The following HPSE2 variants were observed in gnomAD, a reference collection of about 807,000 sequenced individuals.
HPSE2 encodes inactive heparanase-2.
In HPSE2, 38 loss-of-function variants were observed where a neutral mutation model predicts 60.5. The observed-to-expected ratio is 0.63, with a 90% CI of 0.48 to 0.82. The LOEUF is 0.82. HPSE2 is among the 40% of genes least tolerant of loss of function. The pLI, the probability that HPSE2 is intolerant of heterozygous loss-of-function variation, is 0.00. For synonymous variants in HPSE2, 295 were observed against 293.2 expected (o/e 1.01, Z -0.06); for missense variants, 713 against 740.4 (o/e 0.96, Z 0.43).
In HPSE2 at chr10:99,214,285, A is replaced by G. The variant is rs184505295; in HGVS notation, c.448+18063T>C. 9.6e-4 allele frequency among the ~76,000 whole-genome samples: 146 copies of G among 152,334 alleles called. 1 individual carries two copies. Among genetic ancestry groups the G allele is most frequent in the South Asian group, 1.5e-3 (7 of 4,820 alleles). ...ATGTGAAATGGTATAGCCATTGGGGAAAACAATTTGTCATTTTCTCAAAGA... is the reference window on the plus strand; with the variant it reads ...ATGTGAAATGGTATAGCCATTGGGGGAAACAATTTGTCATTTTCTCAAAGA... On this transcript the variant is annotated intron_variant, in intron 2 of 11. Transcript: ENST00000370552.
chr10:99,137,158 A>G (rs1188667618), intron 3 of HPSE2, among the ~76,000 whole-genome samples: 2 of 152,330 alleles, frequency 1.3e-5, no homozygotes, highest in Non-Finnish European at 2.9e-5. Flanking sequence ...CTAAGAGAAT[A>G]AAATACCTAG....
intron 3 of HPSE2, 57 bp from the exon 4 acceptor site, chr10:98,744,113 A>G: frequency 6.6e-7 from 1 of 1,505,686 alleles, no homozygotes; most frequent in Non-Finnish European, 9.1e-7. Context: ...AACAAAAGGA[A>G]AATAGTAGCT....
chr10:99,287,809 G>A, the HPSE2 span, among the ~76,000 whole-genome samples: 1 of 152,174 alleles, frequency 6.6e-6, no homozygotes, highest in Non-Finnish European at 1.5e-5. Flanking sequence ...TGCCAAAGTT[G>A]CTTATCTTTA....
chr10:98,721,445 C>T (rs1244565622), intron 5 of HPSE2, among the ~76,000 whole-genome samples: 2 of 152,014 alleles, frequency 1.3e-5, no homozygotes, highest in Non-Finnish European at 2.9e-5. Context: ...CTTCCCCATC[C>T]CACCACCCCC....
chr10:99,133,744 A>G (rs1845536969), intron 3 of HPSE2, among the ~76,000 whole-genome samples: 1 of 152,212 alleles, frequency 6.6e-6, no homozygotes, highest in Admixed American at 6.5e-5. Flanking sequence ...CCAAAGGTAG[A>G]TAAATCCACA....
rs186425979 is a variant in HPSE2, at chr10:98,800,377, A to G, written c.611-56321T>C. On this transcript the variant is annotated intron_variant, in intron 3 of 11. Transcript: ENST00000370552. Reference sequence around the variant, plus strand: ...AGTGAGACCCTATCTCAAAAAAAATATATAAAATATATACATAAATATATA... The same window carrying G: ...AGTGAGACCCTATCTCAAAAAAAATGTATAAAATATATACATAAATATATA... 4.4e-4 allele frequency among the ~76,000 whole-genome samples: 66 copies of G among 148,400 alleles called. 1 individual carries two copies. In the East Asian group the frequency reaches 0.012, roughly 27 times the overall value.
At chr10:99,267,181 C>G in the HPSE2 span, among the ~76,000 whole-genome samples, 1 of 151,976 alleles carries the variant, frequency 6.6e-6, no homozygotes, top group Non-Finnish European at 1.5e-5. Context: ...CAGAAGAATT[C>G]AGAAGGTCGA....
intron 9 of HPSE2, among the ~76,000 whole-genome samples, chr10:98,599,397 C>T (rs867837826): frequency 3.3e-5 from 5 of 152,106 alleles, no homozygotes; most frequent in Admixed American, 3.3e-4. Flanking sequence ...CTGGCCTGAC[C>T]TGGCCCTTCA....
chr10:98,675,267 A>G (rs182344585), intron 6 of HPSE2, among the ~76,000 whole-genome samples: 2 of 152,238 alleles, frequency 1.3e-5, no homozygotes, highest in East Asian at 3.9e-4. Flanking sequence ...CTCACCTTCT[A>G]AAAGATCACT....
intron 5 of HPSE2, among the ~76,000 whole-genome samples, chr10:98,700,249 C>T (rs1589665687): frequency 1.3e-5 from 2 of 150,492 alleles, no homozygotes; most frequent in Middle Eastern, 3.4e-3. Flanking sequence ...AACTATACTA[C>T]AAGGCTACAG....
intron 5 of HPSE2, among the ~76,000 whole-genome samples, chr10:98,705,785 T>C (rs1034654855): frequency 2.0e-5 from 3 of 151,980 alleles, no homozygotes; most frequent in Non-Finnish European, 2.9e-5. Flanking sequence ...AGGGAGAGCA[T>C]TAGCATAAAT....
At chr10:99,222,781 A>G (rs1227706049) in intron 2 of HPSE2, among the ~76,000 whole-genome samples, 1 of 152,162 alleles carries the variant, frequency 6.6e-6, no homozygotes. Flanking sequence ...AAAATGTGAC[A>G]ATCATTTCTT....
chr10:98,519,090 T>G (rs977427352), intron 9 of HPSE2, among the ~76,000 whole-genome samples: 2 of 152,236 alleles, frequency 1.3e-5, no homozygotes, highest in Admixed American at 1.3e-4. Context: ...GGACCACTTA[T>G]GTATGTGCCA....
At chr10:98,900,288 T>A (rs1051286699) in intron 3 of HPSE2, among the ~76,000 whole-genome samples, 1 of 152,156 alleles carries the variant, frequency 6.6e-6, no homozygotes, top group Non-Finnish European at 1.5e-5. Context: ...AATATTAATA[T>A]AATTGTACGG....
chr10:98,979,380 T>A (rs936449910), intron 3 of HPSE2, among the ~76,000 whole-genome samples: 2 of 152,120 alleles, frequency 1.3e-5, no homozygotes, highest in Non-Finnish European at 2.9e-5. Context: ...GTGGCTAAAT[T>A]TGTGGGTTCA....
chr10:98,873,651 T>C (rs1952792759), intron 3 of HPSE2, among the ~76,000 whole-genome samples: 1 of 152,162 alleles, frequency 6.6e-6, no homozygotes, highest in Non-Finnish European at 1.5e-5. Context: ...GTCTTTGCTA[T>C]TGTAAATAGT....
chr10:99,094,526 ATATATATATATATATTTTTTTTTTTTTTT>A (rs1413412959), intron 3 of HPSE2, among the ~76,000 whole-genome samples: 1 of 15,716 alleles, frequency 6.4e-5, no homozygotes, highest in Non-Finnish European at 1.5e-4. Flanking sequence ...ATATATATAT[ATATATATATATATATTTTTTTTTTTTTTT>A]TTTTTTTTTT....
chr10:99,120,568 G>C (rs1844910497), intron 3 of HPSE2, among the ~76,000 whole-genome samples: 1 of 151,940 alleles, frequency 6.6e-6, no homozygotes, highest in Admixed American at 6.6e-5. Context: ...CCACCTCCCA[G>C]GTTCAAGTGA....
chr10:99,264,545 C>T, the HPSE2 span, among the ~76,000 whole-genome samples: 3 of 152,086 alleles, frequency 2.0e-5, no homozygotes, highest in African/African-American at 7.3e-5. Flanking sequence ...ATGAATCTGG[C>T]CTGGCATATG....
Sources: gnomAD v4.1 joint callset for allele counts (sites outside exome capture counted in the v4.1 genomes callset) on GRCh38, gnomAD v4.1.1 for gene constraint, MANE v1.5 for transcripts, NCBI Gene and HGNC (gene_info 2026-07-23, HGNC 2026-07-21) for gene names.